NXPH1: variants seen among roughly 807,000 people sequenced by gnomAD.
NXPH1 encodes the protein neurexophilin 1.
NXPH1 carries 5 observed loss-of-function variants against 23.7 expected under a neutral mutation model. The ratio of observed to expected loss-of-function variants is 0.21; its 90% CI spans 0.11 to 0.44. NXPH1 has a LOEUF of 0.44. Among genes scored for constraint, NXPH1 ranks in the 20% least tolerant of loss-of-function variants. The probability of loss-of-function intolerance (pLI) is 0.99; values close to 1 mark genes in which losing one functional copy is unlikely to be tolerated. For synonymous variants in NXPH1, 144 were observed against 122.2 expected (o/e 1.18, Z -1.18); for missense variants, 324 against 321.6 (o/e 1.01, Z -0.06).
intron 2 of NXPH1, among the ~76,000 whole-genome samples, chr7:8,492,163 C>A (rs1417653884): frequency 6.6e-6 from 1 of 152,042 alleles, no homozygotes; most frequent in Non-Finnish European, 1.5e-5. Flanking sequence ...CTCCTTACTG[C>A]ACTTTTATTG....
intron 2 of NXPH1, among the ~76,000 whole-genome samples, chr7:8,697,663 A>T (rs144173803): frequency 3.9e-5 from 6 of 152,326 alleles, no homozygotes; most frequent in Admixed American, 3.9e-4. Flanking sequence ...GGGGAGGATC[A>T]TGATTTGAGG....
chr7:8,467,410 G>C (rs1185458544), intron 2 of NXPH1, among the ~76,000 whole-genome samples: 1 of 152,138 alleles, frequency 6.6e-6, no homozygotes, highest in Non-Finnish European at 1.5e-5. Context: ...GAAGCTTCCT[G>C]TCTGTTCTGA....
rs150071935 is a variant in NXPH1 at position 8,658,479 on chromosome 7, C to G, written c.55-92529C>G. 2.4e-3 allele frequency among the ~76,000 whole-genome samples: 364 copies of G among 152,312 alleles called. 3 individuals carry two copies. Among genetic ancestry groups the G allele is most frequent in the African/African-American group, 8.3e-3 (343 of 41,566 alleles). ...GAATACAATATGCAGTACCAGGCTC[C>G]AAGGAAACTTGCTTCATGTTGATTT... On this transcript the variant is annotated intron_variant, in intron 2 of 2. Transcript: ENST00000405863.
intron 2 of NXPH1, among the ~76,000 whole-genome samples, chr7:8,508,643 C>CT (rs923337115): frequency 2.6e-4 from 40 of 151,400 alleles, no homozygotes; most frequent in South Asian, 8.4e-4. Context: ...TGCTAAGCAT[C>CT]TTTTTTTTTA....
chr7:8,627,865 CT>C (rs1820027432), intron 2 of NXPH1, among the ~76,000 whole-genome samples: 1 of 151,972 alleles, frequency 6.6e-6, no homozygotes, highest in Non-Finnish European at 1.5e-5. Flanking sequence ...AAAAAAGCCT[CT>C]TTGGTTCTCT....
chr7:8,563,580 G>C (rs774820132), intron 2 of NXPH1, among the ~76,000 whole-genome samples: 4 of 151,784 alleles, frequency 2.6e-5, no homozygotes, highest in Admixed American at 1.3e-4. Flanking sequence ...GAGCAATAAG[G>C]TGTGAAAAAA....
rs569483930 is a variant in NXPH1 at position 8,651,625 on chromosome 7, A to G, written c.55-99383A>G. 1.6e-3 allele frequency among the ~76,000 whole-genome samples: 240 copies of G among 152,332 alleles called. 2 individuals are homozygous for G. Among genetic ancestry groups the G allele is most frequent in the African/African-American group, 5.4e-3 (224 of 41,580 alleles). On this transcript the variant is annotated intron_variant, in intron 2 of 2. Transcript: ENST00000405863. ...TGTTCCTATAATTTTAAGTTGCTAA[A>G]TAAAATTCTCTGTACCTTTCGGATT...
chr7:8,640,133 T>C (rs573587423), intron 2 of NXPH1, among the ~76,000 whole-genome samples: 13 of 152,322 alleles, frequency 8.5e-5, no homozygotes, highest in African/African-American at 3.1e-4. Flanking sequence ...GTTGTTTTAC[T>C]CCATAGGAAT....
At chr7:8,626,128 T>TA (rs1485671584) in intron 2 of NXPH1, among the ~76,000 whole-genome samples, 2 of 152,018 alleles carry the variant, frequency 1.3e-5, no homozygotes, top group African/African-American at 2.4e-5. Flanking sequence ...TCTTTCTCCT[T>TA]AAGCACGTGG....
At chr7:8,568,015 G>A (rs888756123) in intron 2 of NXPH1, among the ~76,000 whole-genome samples, 14 of 151,856 alleles carry the variant, frequency 9.2e-5, no homozygotes, top group African/African-American at 2.9e-4. Flanking sequence ...TAAGCTTGCT[G>A]AATTGCAGGG....
At chr7:8,646,710 T>C (rs1280187088) in intron 2 of NXPH1, among the ~76,000 whole-genome samples, 4 of 152,130 alleles carry the variant, frequency 2.6e-5, no homozygotes, top group East Asian at 1.9e-4. Flanking sequence ...ATTTTTCTCA[T>C]TGGATGTGTT....
intron 2 of NXPH1, among the ~76,000 whole-genome samples, chr7:8,717,643 G>A (rs1413162383): frequency 6.6e-6 from 1 of 152,126 alleles, no homozygotes; most frequent in Non-Finnish European, 1.5e-5. Context: ...GCACTGGAAT[G>A]AAATCTTTTG....
chr7:8,450,908 C>G (rs575853577), intron 2 of NXPH1, among the ~76,000 whole-genome samples: 1 of 150,956 alleles, frequency 6.6e-6, no homozygotes, highest in Non-Finnish European at 1.5e-5. Context: ...ATTTTAATGC[C>G]TAGTTCCTAG....
chr7:8,730,250 G>C (rs1021482307), intron 2 of NXPH1, among the ~76,000 whole-genome samples: 1 of 149,082 alleles, frequency 6.7e-6, no homozygotes, highest in East Asian at 2.0e-4. Context: ...ACGTGAGATG[G>C]GTTTCCTGAA....
chr7:8,579,621 C>T (rs1380186623), intron 2 of NXPH1, among the ~76,000 whole-genome samples: 1 of 152,180 alleles, frequency 6.6e-6, no homozygotes, highest in African/African-American at 2.4e-5. Context: ...ATCCGCCCAC[C>T]TCAGACTCCC....
chr7:8,579,131 A>C (rs2128623356), intron 2 of NXPH1, among the ~76,000 whole-genome samples: 1 of 152,304 alleles, frequency 6.6e-6, no homozygotes, highest in Middle Eastern at 3.4e-3. Flanking sequence ...GCTGATCTAG[A>C]ACTTGAACTC....
intron 2 of NXPH1, among the ~76,000 whole-genome samples, chr7:8,635,750 G>A (rs984960936): frequency 6.6e-6 from 1 of 152,122 alleles, no homozygotes; most frequent in Non-Finnish European, 1.5e-5. Context: ...AAGCATTTAC[G>A]TCTTTAACCA....
rs144015666 is a variant in NXPH1 at position 8,737,115 on chromosome 7, T to A, written c.55-13893T>A. ...CCAGTGTGTGTCTTTTAATTGGAGC[T>A]TTTAGCCCATTTACATTTAAAGTTA... On this transcript the variant is annotated intron_variant, in intron 2 of 2. Transcript: ENST00000405863. 3.6e-3 allele frequency among the ~76,000 whole-genome samples: 555 copies of A among 152,260 alleles called. 2 individuals carry two copies. Among genetic ancestry groups the A allele is most frequent in the African/African-American group, 0.013 (524 of 41,554 alleles).
intron 2 of NXPH1, among the ~76,000 whole-genome samples, chr7:8,516,063 C>T (rs1220367064): frequency 2.6e-5 from 4 of 152,150 alleles, no homozygotes; most frequent in Non-Finnish European, 4.4e-5. Flanking sequence ...TCATCTGTAA[C>T]ACCATAGGCT....
Sources: allele counts gnomAD v4.1 joint callset (sites outside exome capture counted in the v4.1 genomes callset), GRCh38; gene constraint gnomAD v4.1.1; transcripts MANE v1.5; gene names NCBI Gene and HGNC (gene_info 2026-07-23, HGNC 2026-07-21).